Variants in FLI1 observed in about 807,000 individuals in gnomAD.
FLI1 encodes the protein Fli-1 proto-oncogene, ETS transcription factor, also known as Friend leukemia integration 1 transcription factor.
Under a neutral mutation model 53.1 loss-of-function variants are expected in FLI1, and 13 were observed. The observed-to-expected ratio is 0.24, with a 90% confidence interval of 0.16 to 0.39. The LOEUF (loss-of-function observed/expected upper bound fraction) is 0.39. FLI1 is among the 10% of genes least tolerant of loss of function. FLI1 has a pLI of 1.00. For missense variants in FLI1, 424 were observed against 600.5 expected (o/e 0.71, Z 3.07); for synonymous variants, 244 against 236.7 (o/e 1.03, Z -0.28).
At chr11:128,767,029 G>A (rs1329700022) in intron 2 of FLI1, among the ~76,000 whole-genome samples, 1 of 152,008 alleles carries the variant, frequency 6.6e-6, no homozygotes, top group East Asian at 1.9e-4. Context: ...GTGTGACAGG[G>A]TGGCACCTCC....
intron 4 of FLI1, among the ~76,000 whole-genome samples, chr11:128,774,049 C>T (rs113685667): frequency 1.2e-3 from 186 of 152,252 alleles, no homozygotes; most frequent in African/African-American, 4.2e-3. Flanking sequence ...ACCTGCTTTT[C>T]CTGGACTGGC....
chr11:128,775,327 C>T (rs997930675), intron 4 of FLI1, among the ~76,000 whole-genome samples: 7 of 149,984 alleles, frequency 4.7e-5, no homozygotes, highest in East Asian at 1.9e-4. Flanking sequence ...TGTCTGCCTG[C>T]GAAAGCAAAA....
intron 1 of FLI1, chr11:128,748,357 C>G: frequency 8.4e-6 from 6 of 714,068 alleles, no homozygotes; most frequent in Non-Finnish European, 1.0e-5. Flanking sequence ...GAAAAGTCAG[C>G]CGGGGTCCAG....
At chr11:128,698,249 C>T (rs1938171750) in intron 1 of FLI1, among the ~76,000 whole-genome samples, 3 of 152,164 alleles carry the variant, frequency 2.0e-5, no homozygotes, top group Admixed American at 1.3e-4. Flanking sequence ...GGTGTTGCTG[C>T]CTCCCTCTAC....
At chr11:128,700,054 A>C (rs1239836607) in intron 1 of FLI1, among the ~76,000 whole-genome samples, 2 of 152,210 alleles carry the variant, frequency 1.3e-5, no homozygotes, top group Non-Finnish European at 2.9e-5. Context: ...AGAGCACAGC[A>C]AGTGTTACCA....
chr11:128,716,256 C>T (rs1030139910), intron 1 of FLI1, among the ~76,000 whole-genome samples: 1 of 152,160 alleles, frequency 6.6e-6, no homozygotes, highest in African/African-American at 2.4e-5. Flanking sequence ...CCACCCCCTC[C>T]AAGCCAAAAT....
At chr11:128,720,078 C>T (rs571573066) in intron 1 of FLI1, among the ~76,000 whole-genome samples, 1 of 152,292 alleles carries the variant, frequency 6.6e-6, no homozygotes, top group South Asian at 2.1e-4. Flanking sequence ...CAGAAAGCAG[C>T]CGATTCATAT....
chr11:128,785,059 A>G (rs543297890), intron 5 of FLI1, among the ~76,000 whole-genome samples: 116 of 152,220 alleles, frequency 7.6e-4, no homozygotes, highest in Non-Finnish European at 1.0e-3. Context: ...AATGGCTGCA[A>G]TCTCTAGGGG....
chr11:128,744,809 T>G (rs1331646207), intron 1 of FLI1, among the ~76,000 whole-genome samples: 1 of 152,118 alleles, frequency 6.6e-6, no homozygotes, highest in Non-Finnish European at 1.5e-5. Flanking sequence ...CTCAATCTAG[T>G]AGGAGAGATA....
chr11:128,708,442 C>G (rs545638543), intron 1 of FLI1, among the ~76,000 whole-genome samples: 2 of 152,268 alleles, frequency 1.3e-5, no homozygotes, highest in East Asian at 3.9e-4. Flanking sequence ...GTGCCTAGCT[C>G]CCCTGAGAGA....
At chr11:128,752,790 T>C (rs1453985350) in intron 1 of FLI1, among the ~76,000 whole-genome samples, 1 of 152,238 alleles carries the variant, frequency 6.6e-6, no homozygotes, top group African/African-American at 2.4e-5. Context: ...TAATAAGTGC[T>C]GTGATTATTA....
intron 1 of FLI1, among the ~76,000 whole-genome samples, chr11:128,720,878 G>A (rs1036945141): frequency 2.0e-5 from 3 of 152,178 alleles, no homozygotes; most frequent in Non-Finnish European, 4.4e-5. Flanking sequence ...CTCTGTGTGT[G>A]GCGGAGGTGG....
intron 4 of FLI1, among the ~76,000 whole-genome samples, chr11:128,778,514 C>T (rs1380687928): frequency 6.6e-6 from 1 of 152,240 alleles, no homozygotes; most frequent in Non-Finnish European, 1.5e-5. Context: ...CTCCTGCCTT[C>T]TGCACTCTCT....
At chr11:128,751,293 C>A (rs1256958402) in intron 1 of FLI1, among the ~76,000 whole-genome samples, 2 of 152,118 alleles carry the variant, frequency 1.3e-5, no homozygotes, top group Admixed American at 6.6e-5. Context: ...CCCTCTTGAC[C>A]CATCTCCAAC....
At chr11:128,751,764 G>A (rs899598529) in intron 1 of FLI1, among the ~76,000 whole-genome samples, 3 of 150,870 alleles carry the variant, frequency 2.0e-5, no homozygotes, top group Admixed American at 6.6e-5. Context: ...TCTTGACCTC[G>A]TGATCCACCC....
chr11:128,774,120 T>C (rs940403013), intron 4 of FLI1, among the ~76,000 whole-genome samples: 2 of 152,090 alleles, frequency 1.3e-5, no homozygotes, highest in Non-Finnish European at 2.9e-5. Flanking sequence ...TAACTCCCCA[T>C]CTTTGGAATC....
At chr11:128,796,868 A>G (rs1942459755) in intron 5 of FLI1, among the ~76,000 whole-genome samples, 1 of 152,236 alleles carries the variant, frequency 6.6e-6, no homozygotes, top group Non-Finnish European at 1.5e-5. Context: ...CCAGCTACTC[A>G]GGAGGCTGAG....
chr11:128,689,103 T>G (rs1276453448), upstream of FLI1, among the ~76,000 whole-genome samples: 1 of 152,166 alleles, frequency 6.6e-6, no homozygotes, highest in African/African-American at 2.4e-5. Flanking sequence ...ATGAGGACAG[T>G]GAGGCACAGG....
chr11:128,784,537 G>T (rs1942028765), intron 5 of FLI1, among the ~76,000 whole-genome samples: 1 of 152,158 alleles, frequency 6.6e-6, no homozygotes, highest in Admixed American at 6.5e-5. Context: ...TTAAGCCTGT[G>T]CTTTGCAGGT....
Sources: allele counts gnomAD v4.1 joint callset (sites outside exome capture counted in the v4.1 genomes callset), GRCh38; gene constraint gnomAD v4.1.1; transcripts MANE v1.5; gene names NCBI Gene and HGNC (gene_info 2026-07-23, HGNC 2026-07-21).